Variants in PAICS observed in about 807,000 individuals in gnomAD.
The protein encoded by PAICS is bifunctional phosphoribosylaminoimidazole carboxylase/phosphoribosylaminoimidazole succinocarboxamide synthetase.
In PAICS, 33 loss-of-function variants were observed where a neutral mutation model predicts 53.7. The observed-to-expected ratio is 0.61, with a 90% CI of 0.47 to 0.82. The LOEUF is 0.82. Ranked by LOEUF, PAICS falls within the 40% of genes least tolerant of loss-of-function variation. The pLI, the probability that PAICS is intolerant of heterozygous loss-of-function variation, is 0.00. For synonymous variants in PAICS, 141 were observed against 167.2 expected (o/e 0.84, Z 1.21); for missense variants, 394 against 494.1 (o/e 0.80, Z 1.92).
At chr4:56,436,016 G>T, upstream of PAICS, 1 of 1,525,306 alleles carries the variant, frequency 6.6e-7, no homozygotes, top group African/African-American at 1.4e-5. Context: ...CCGCCAGTGC[G>T]CGCCACTTTT....
chr4:56,452,652 T>C (rs1047971875), intron 7 of PAICS, among the ~76,000 whole-genome samples: 13 of 152,182 alleles, frequency 8.5e-5, no homozygotes, highest in African/African-American at 3.1e-4. Flanking sequence ...GCTTCTAATA[T>C]ACTCCAATAG....
the PAICS span, among the ~76,000 whole-genome samples, chr4:56,413,635 C>T: frequency 1.3e-5 from 2 of 152,118 alleles, no homozygotes; most frequent in African/African-American, 2.4e-5. Flanking sequence ...GTGGCTCATG[C>T]CTGTAATCCC....
At chr4:56,448,012 T>C (rs1032468081) in intron 3 of PAICS, among the ~76,000 whole-genome samples, 1 of 145,434 alleles carries the variant, frequency 6.9e-6, no homozygotes, top group African/African-American at 2.6e-5. Context: ...CTTTTCTTTT[T>C]TTTTTTTTTT....
At chr4:56,414,336 T>C in the PAICS span, 1 of 152,206 alleles carries the variant, frequency 6.6e-6, no homozygotes, top group Non-Finnish European at 1.5e-5. Flanking sequence ...GGCCACTTGT[T>C]AGGCAGCAAG....
rs1335497349 is a variant in PAICS, at chr4:56,462,423, T to C, written c.*2885T>C. 1 of 152,194 alleles carries C rather than the reference T, an allele frequency of 6.6e-6. No homozygotes were observed. The highest frequency in any genetic ancestry group is 1.5e-5 in the Non-Finnish European group (1 of 68,032). The allele number at this position is 152,194 out of a possible 1,614,324, so 9.4% of individuals were successfully genotyped here. On this transcript the variant is annotated 3_prime_UTR_variant, in exon 9 of 9. Coordinates refer to ENST00000512576, the MANE Select transcript of PAICS (RefSeq NM_001079524.2). Reference sequence around the variant, plus strand: ...GAGCAGAGGCTTGACATACTTAACATATTTAAAGGTTCTCTGGCTGTTGTG... The same window carrying C: ...GAGCAGAGGCTTGACATACTTAACACATTTAAAGGTTCTCTGGCTGTTGTG...
chr4:56,435,534 A>G (rs1031709970), upstream of PAICS: 6 of 1,610,446 alleles, frequency 3.7e-6, no homozygotes, highest in Admixed American at 1.7e-5. Flanking sequence ...GTAAGCACCA[A>G]CCAGCTGCCA....
At chr4:56,417,302 T>A in the PAICS span, among the ~76,000 whole-genome samples, 50 of 151,440 alleles carry the variant, frequency 3.3e-4, no homozygotes, top group East Asian at 9.1e-3. Context: ...AGAAAAAAAA[T>A]TCTGAAAAGC....
chr4:56,415,701 T>A, the PAICS span, among the ~76,000 whole-genome samples: 6 of 152,170 alleles, frequency 3.9e-5, no homozygotes, highest in Non-Finnish European at 8.8e-5. Context: ...CAGGACCTAC[T>A]CTTTTACATT....
upstream of PAICS, chr4:56,435,530 A>T: frequency 6.2e-7 from 1 of 1,611,044 alleles, no homozygotes; most frequent in Non-Finnish European, 8.5e-7. Flanking sequence ...AGGTGTAAGC[A>T]CCAACCAGCT....
chr4:56,459,154 T>C (rs978912735), intron 8 of PAICS, among the ~76,000 whole-genome samples: 6 of 152,220 alleles, frequency 3.9e-5, no homozygotes, highest in African/African-American at 9.6e-5. Flanking sequence ...ATATAAAATA[T>C]CTCTTCATGG....
intron 5 of PAICS, 93 bp downstream of exon 5, chr4:56,448,916 C>A: frequency 1.5e-6 from 1 of 686,356 alleles, no homozygotes; most frequent in Non-Finnish European, 2.6e-6. Context: ...ATTATTGTTC[C>A]TAATGATATG....
chr4:56,447,588 T>C (rs1718684004), intron 3 of PAICS, among the ~76,000 whole-genome samples: 1 of 152,148 alleles, frequency 6.6e-6, no homozygotes, highest in Non-Finnish European at 1.5e-5. Flanking sequence ...TTTGGAAAGA[T>C]TTGATTGATT....
At chr4:56,445,905 G>A (rs1718590403) in intron 2 of PAICS, among the ~76,000 whole-genome samples, 1 of 152,124 alleles carries the variant, frequency 6.6e-6, no homozygotes, top group Non-Finnish European at 1.5e-5. Flanking sequence ...TCCAGGAGAG[G>A]CAATACAGCA....
At chr4:56,452,495 A>G (rs1017165925) in intron 7 of PAICS, among the ~76,000 whole-genome samples, 3 of 152,112 alleles carry the variant, frequency 2.0e-5, no homozygotes, top group African/African-American at 7.2e-5. Context: ...CTTAATACTC[A>G]CCTCCAAAGA....
At chr4:56,427,577 C>G in the PAICS span, among the ~76,000 whole-genome samples, 1 of 150,624 alleles carries the variant, frequency 6.6e-6, no homozygotes, top group East Asian at 1.9e-4. Flanking sequence ...GAGGCTGAGG[C>G]AGGAGGATCG....
At chr4:56,454,085 A>C (rs575146333) in intron 8 of PAICS, among the ~76,000 whole-genome samples, 1 of 152,318 alleles carries the variant, frequency 6.6e-6, no homozygotes, top group Non-Finnish European at 1.5e-5. Context: ...TTGAGAAAGA[A>C]AGGCTTCCTC....
intron 1 of PAICS, among the ~76,000 whole-genome samples, chr4:56,437,799 G>C (rs1025856567): frequency 9.2e-6 from 1 of 109,150 alleles, no homozygotes; most frequent in African/African-American, 3.6e-5. Context: ...CCAGCCTGGC[G>C]ACAGAGAGAG....
chr4:56,436,750 T>C (rs1199064771), intron 1 of PAICS, among the ~76,000 whole-genome samples: 1 of 152,110 alleles, frequency 6.6e-6, no homozygotes, highest in Non-Finnish European at 1.5e-5. Flanking sequence ...ATCCCAGCAC[T>C]TTGGGAGGCC....
intron 8 of PAICS, among the ~76,000 whole-genome samples, chr4:56,454,651 G>T (rs1247839074): frequency 1.3e-5 from 2 of 151,426 alleles, no homozygotes; most frequent in East Asian, 1.9e-4. Context: ...TTTTTCAATA[G>T]AATTTTCTAT....
Sources: allele counts gnomAD v4.1 joint callset (sites outside exome capture counted in the v4.1 genomes callset), GRCh38; gene constraint gnomAD v4.1.1; transcripts MANE v1.5; gene names NCBI Gene and HGNC (gene_info 2026-07-23, HGNC 2026-07-21).